Variants in ESR1 observed in about 807,000 individuals in gnomAD.
The protein encoded by ESR1 is estrogen receptor 1, also known as estrogen receptor.
A neutral mutation model predicts 52.7 loss-of-function variants in ESR1; 12 were observed. That is an observed-to-expected ratio of 0.23 (90% CI 0.15 to 0.37). ESR1 has a LOEUF of 0.37. Ranked by LOEUF, ESR1 falls within the 10% of genes least tolerant of loss-of-function variation. The probability of loss-of-function intolerance (pLI) is 1.00; values close to 1 mark genes in which losing one functional copy is unlikely to be tolerated. For synonymous variants in ESR1, 305 were observed against 316.8 expected (o/e 0.96, Z 0.39); for missense variants, 584 against 779.7 (o/e 0.75, Z 2.99).
intron 2 of ESR1, among the ~76,000 whole-genome samples, chr6:151,733,552 C>A (rs1782417882): frequency 6.6e-6 from 1 of 152,146 alleles, no homozygotes; most frequent in African/African-American, 2.4e-5. Context: ...GCACACTTCA[C>A]ATAAATTAGA....
chr6:151,717,837 A>T (rs1356445250), intron 2 of ESR1, among the ~76,000 whole-genome samples: 1 of 152,216 alleles, frequency 6.6e-6, no homozygotes, highest in Non-Finnish European at 1.5e-5. Flanking sequence ...AATAGGAATA[A>T]TTGTGCTTTG....
chr6:152,075,760 T>C (rs1297606555), intron 6 of ESR1, among the ~76,000 whole-genome samples: 1 of 152,180 alleles, frequency 6.6e-6, no homozygotes, highest in East Asian at 1.9e-4. Context: ...GGCTGTTCAA[T>C]TTAGGGTGAT....
At chr6:151,686,553 C>T (rs552332581), upstream of ESR1, among the ~76,000 whole-genome samples, 143 of 152,246 alleles carry the variant, frequency 9.4e-4, no homozygotes, top group East Asian at 2.1e-3. Context: ...CCGGGCGTGG[C>T]GGCGGGCACC....
intron 3 of ESR1, among the ~76,000 whole-genome samples, chr6:151,930,006 A>G (rs1280314253): frequency 2.0e-5 from 3 of 149,160 alleles, no homozygotes; most frequent in East Asian, 2.0e-4. Flanking sequence ...TTTTTGAGAC[A>G]GAGTTTTCCT....
intron 3 of ESR1, among the ~76,000 whole-genome samples, chr6:151,914,720 A>T (rs1303874943): frequency 6.6e-6 from 1 of 152,118 alleles, no homozygotes; most frequent in Admixed American, 6.5e-5. Context: ...CTGTTTGTTT[A>T]TAAAATGGGG....
intron 1 of ESR1, among the ~76,000 whole-genome samples, chr6:151,670,273 G>A (rs930135254): frequency 3.3e-5 from 5 of 152,114 alleles, no homozygotes; most frequent in Non-Finnish European, 5.9e-5. Flanking sequence ...TTTAAATTCC[G>A]AAGTCCTTCC....
chr6:151,701,119 T>C (rs572518038), intron 1 of ESR1, among the ~76,000 whole-genome samples: 2 of 152,280 alleles, frequency 1.3e-5, no homozygotes, highest in Admixed American at 1.3e-4. Context: ...TGTAACAACG[T>C]CTGAATCTTC....
intron 3 of ESR1, among the ~76,000 whole-genome samples, chr6:151,897,090 G>C (rs574219402): frequency 1.6e-4 from 24 of 152,236 alleles, no homozygotes; most frequent in Admixed American, 3.3e-4. Context: ...ACACTTGTTT[G>C]TGGCATATCA....
chr6:151,687,477 G>A (rs1379289977), upstream of ESR1, among the ~76,000 whole-genome samples: 4 of 152,144 alleles, frequency 2.6e-5, no homozygotes, highest in East Asian at 1.9e-4. Context: ...TGAGAAGAAC[G>A]AATAAAGAAT....
chr6:151,972,430 A>C (rs575263446), intron 4 of ESR1, among the ~76,000 whole-genome samples: 2 of 152,358 alleles, frequency 1.3e-5, no homozygotes, highest in Admixed American at 1.3e-4. Context: ...TGAATCCAAC[A>C]GCATATCAGA....
chr6:151,949,180 G>C (rs2036048802), intron 4 of ESR1, among the ~76,000 whole-genome samples: 1 of 152,204 alleles, frequency 6.6e-6, no homozygotes, highest in Non-Finnish European at 1.5e-5. Flanking sequence ...GAAACAGCTA[G>C]AGAAATATGG....
intron 2 of ESR1, among the ~76,000 whole-genome samples, chr6:151,743,839 G>T (rs1783280929): frequency 6.6e-6 from 1 of 152,096 alleles, no homozygotes; most frequent in Non-Finnish European, 1.5e-5. Context: ...TCAGAATTCT[G>T]CAGCTTTCAC....
chr6:152,104,036 CAGTTTCTTGACTT>C (rs1490853800), downstream of ESR1, among the ~76,000 whole-genome samples: 8 of 129,450 alleles, frequency 6.2e-5, no homozygotes, highest in African/African-American at 2.5e-4. Context: ...CCCTGGGCCT[CAGTTTCTTGACTT>C]GTAAAGAGAG....
rs2152504409 is a variant in ESR1 at position 152,098,160 on chromosome 6, G to A, written c.1554-572G>A. ...TGTGGCTCCGGAGAGCACATTAGGG[G>A]AGAGAGGCAGGAAGAGCTTGGAGAC... is the stretch of plus-strand genomic sequence containing the variant. On this transcript the variant is annotated intron_variant, in intron 7 of 7. Transcript: ENST00000206249. This position sits in a 1 kb window ranked among gnomAD's most constrained non-coding sequence, Gnocchi z 5.1. 6.6e-6 allele frequency among the ~76,000 whole-genome samples: 1 copy of A among 152,294 alleles called. No individual in the cohort carries two copies. Among genetic ancestry groups the A allele is most frequent in the Non-Finnish European group, 1.5e-5 (1 of 68,020 alleles).
intron 2 of ESR1, among the ~76,000 whole-genome samples, chr6:151,762,833 G>C (rs1247706704): frequency 6.6e-6 from 1 of 151,990 alleles, no homozygotes; most frequent in South Asian, 2.1e-4. Context: ...GCATAGTGGC[G>C]TGTGTCTGTA....
rs201562714 is a variant in ESR1, at chr6:152,098,813, C to G, written c.1635C>G (p.Asp545Glu). ...ATGACCTGCTGCTGGAGATGCTGGACGCCCACCGCCTACATGCGCCCACTA... is the reference window on the plus strand; with the variant it reads ...ATGACCTGCTGCTGGAGATGCTGGAGGCCCACCGCCTACATGCGCCCACTA... Reference protein sequence around the residue: ...PLYDLLLEMLDAHRLHAPTSR... With the variant: ...PLYDLLLEMLEAHRLHAPTSR... Residue 545 changes from aspartate to glutamate, a missense_variant, in exon 8 of 8, where the codon GAC becomes GAG. This residue lies in a region of ESR1 where 141 missense variants were observed against 289.3 expected (regional missense o/e 0.49). Transcript: ENST00000206249. This position sits in a 1 kb window ranked among gnomAD's most constrained non-coding sequence, Gnocchi z 5.1. 6.2e-7 allele frequency: 1 copy of G among 1,614,070 alleles called. No homozygotes were observed. The highest frequency in any genetic ancestry group is 8.5e-7 in the Non-Finnish European group (1 of 1,180,042).
intron 2 of ESR1, among the ~76,000 whole-genome samples, chr6:151,771,873 G>A (rs910842534): frequency 6.6e-6 from 1 of 152,048 alleles, no homozygotes; most frequent in African/African-American, 2.4e-5. Context: ...ACTATGGGGA[G>A]TAAGAAATTA....
intron 1 of ESR1, among the ~76,000 whole-genome samples, chr6:151,672,827 A>AT (rs11365774): frequency 0.021 from 2,508 of 121,128 alleles, 42 homozygotes; most frequent in East Asian, 0.032. Flanking sequence ...TTCATGATCA[A>AT]TTTTTTTTTT....
At position 151,693,103 on chromosome 6, in the gene ESR1, A is replaced by G. The variant is rs139602467; in HGVS notation, c.-202+2439A>G. Among the ~76,000 whole-genome samples, 278 of 152,350 alleles carry G rather than the reference A, an allele frequency of 1.8e-3. 1 individual carries two copies. The highest frequency in any genetic ancestry group is 3.3e-3 in the Non-Finnish European group (227 of 68,034). On this transcript the variant is annotated intron_variant, in intron 1 of 2. Coordinates refer to the ESR1 transcript ENST00000404742. ...TCATCTGCAAAGTGGGAGTACTAAC[A>G]GTAGCTACCAGATATATTATATGGA...
Sources: allele counts gnomAD v4.1 joint callset (sites outside exome capture counted in the v4.1 genomes callset), GRCh38; gene constraint gnomAD v4.1.1; regional missense constraint gnomAD v4.1.1; non-coding constraint Gnocchi (gnomAD v3.1); transcripts MANE v1.5; gene names NCBI Gene and HGNC (gene_info 2026-07-23, HGNC 2026-07-21).